RAB6A: variants seen among roughly 807,000 people sequenced by gnomAD.
RAB6A encodes the protein RAB6A, member RAS oncogene family, also known as ras-related protein Rab-6A.
RAB6A carries 8 observed loss-of-function variants against 32.3 expected under a neutral mutation model. The observed-to-expected ratio is 0.25, with a 90% CI of 0.15 to 0.45. RAB6A has a LOEUF of 0.45. RAB6A is among the 20% of genes least tolerant of loss of function. The pLI is 1.00. For missense variants in RAB6A, 104 were observed against 249.4 expected (o/e 0.42, Z 3.93); for synonymous variants, 73 against 82.1 (o/e 0.89, Z 0.60).
At chr11:73,711,357 A>G (rs1251267519) in intron 5 of RAB6A, among the ~76,000 whole-genome samples, 1 of 152,150 alleles carries the variant, frequency 6.6e-6, no homozygotes, top group East Asian at 1.9e-4. Context: ...ACTGTACCAT[A>G]TGTTACATAC....
intron 1 of RAB6A, among the ~76,000 whole-genome samples, chr11:73,757,090 T>TATACATAC (rs1372230797): frequency 9.4e-6 from 1 of 106,812 alleles, no homozygotes; most frequent in Non-Finnish European, 1.8e-5. Context: ...GTATCTTAAA[T>TATACATAC]ATACATACAT....
At chr11:73,691,910 T>G (rs1590829655) in intron 6 of RAB6A, among the ~76,000 whole-genome samples, 1 of 151,546 alleles carries the variant, frequency 6.6e-6, no homozygotes, top group African/African-American at 2.4e-5. Context: ...GAGGCGGAGG[T>G]TGCAGTGAGC....
chr11:73,693,156 C>CACA (rs1945602376), intron 6 of RAB6A, among the ~76,000 whole-genome samples: 1 of 151,962 alleles, frequency 6.6e-6, no homozygotes, highest in South Asian at 2.1e-4. Context: ...TGCGTGGTGG[C>CACA]ACACGCCTGT....
intron 6 of RAB6A, among the ~76,000 whole-genome samples, chr11:73,689,421 G>A (rs1945510197): frequency 6.6e-6 from 1 of 152,330 alleles, no homozygotes; most frequent in South Asian, 2.1e-4. Flanking sequence ...AGGCTGTAAT[G>A]CTGGCTTACC....
chr11:73,687,782 G>A (rs866684945), intron 6 of RAB6A, among the ~76,000 whole-genome samples: 6 of 152,104 alleles, frequency 3.9e-5, no homozygotes, highest in Non-Finnish European at 5.9e-5. Flanking sequence ...ACTTGAACCC[G>A]GGAGGCGGAG....
chr11:73,690,071 A>C (rs1945525845), intron 6 of RAB6A, among the ~76,000 whole-genome samples: 1 of 152,218 alleles, frequency 6.6e-6, no homozygotes, highest in Admixed American at 6.5e-5. Flanking sequence ...TCCATAATTT[A>C]ATACAGCATT....
chr11:73,733,140 C>A (rs1236350678), intron 1 of RAB6A, among the ~76,000 whole-genome samples: 2 of 152,124 alleles, frequency 1.3e-5, no homozygotes, highest in Non-Finnish European at 2.9e-5. Flanking sequence ...CATCTGGAAA[C>A]TTGTCTTGGT....
At chr11:73,739,175 G>C (rs372378131) in intron 1 of RAB6A, among the ~76,000 whole-genome samples, 1 of 145,104 alleles carries the variant, frequency 6.9e-6, no homozygotes, top group South Asian at 2.2e-4. Context: ...AACCTGGGAA[G>C]TGGAGGCTGC....
intron 1 of RAB6A, among the ~76,000 whole-genome samples, chr11:73,758,139 T>TCTA (rs35711409): frequency 0.52 from 78,366 of 151,742 alleles, 21,557 homozygotes; most frequent in African/African-American, 0.72. Flanking sequence ...TCTACAGACT[T>TCTA]CTAACGCATA....
At chr11:73,757,503 A>G (rs1228627100) in intron 1 of RAB6A, among the ~76,000 whole-genome samples, 1 of 152,042 alleles carries the variant, frequency 6.6e-6, no homozygotes, top group Non-Finnish European at 1.5e-5. Context: ...AGCCAAATAA[A>G]ACCTAATTTC....
At chr11:73,749,357 AC>A (rs896365898) in intron 1 of RAB6A, among the ~76,000 whole-genome samples, 2 of 152,258 alleles carry the variant, frequency 1.3e-5, no homozygotes, top group African/African-American at 4.8e-5. Context: ...TTGGGGACTC[AC>A]AGGGAAGTGG....
chr11:73,702,862 T>TA (rs961351987), intron 6 of RAB6A, among the ~76,000 whole-genome samples: 20 of 149,782 alleles, frequency 1.3e-4, no homozygotes, highest in African/African-American at 4.6e-4. Flanking sequence ...ATATTATTAT[T>TA]TTTTTTTTTC....
chr11:73,689,455 G>T (rs1406389245), intron 6 of RAB6A, among the ~76,000 whole-genome samples: 2 of 152,180 alleles, frequency 1.3e-5, no homozygotes, highest in African/African-American at 4.8e-5. Flanking sequence ...CTGCTGTGTG[G>T]GTTGGTTCCT....
At chr11:73,737,662 G>C (rs1338547952) in intron 1 of RAB6A, among the ~76,000 whole-genome samples, 1 of 152,054 alleles carries the variant, frequency 6.6e-6, no homozygotes, top group Non-Finnish European at 1.5e-5. Context: ...AATGAACCTT[G>C]AAAACACTAC....
intron 5 of RAB6A, among the ~76,000 whole-genome samples, chr11:73,714,575 T>C (rs1396002155): frequency 1.3e-5 from 2 of 151,154 alleles, no homozygotes; most frequent in Non-Finnish European, 2.9e-5. Context: ...GGCAGGAGAA[T>C]TGCTTGAGCC....
chr11:73,750,790 G>A (rs12283979), intron 1 of RAB6A, among the ~76,000 whole-genome samples: 1 of 152,100 alleles, frequency 6.6e-6, no homozygotes, highest in Non-Finnish European at 1.5e-5. Flanking sequence ...ATGAGTATGG[G>A]GGTAAATAAG....
intron 1 of RAB6A, among the ~76,000 whole-genome samples, chr11:73,739,500 C>T (rs1209765837): frequency 6.7e-6 from 1 of 149,028 alleles, no homozygotes; most frequent in Non-Finnish European, 1.5e-5. Flanking sequence ...TTTTTTGAAT[C>T]AGGGTCTTGT....
At chr11:73,700,770 G>A (rs1420539446) in intron 6 of RAB6A, among the ~76,000 whole-genome samples, 1 of 152,072 alleles carries the variant, frequency 6.6e-6, no homozygotes, top group African/African-American at 2.4e-5. Context: ...ATTTATGCTA[G>A]TTCTAGTACT....
At chr11:73,728,553 G>C (rs1946257244) in intron 2 of RAB6A, among the ~76,000 whole-genome samples, 1 of 149,828 alleles carries the variant, frequency 6.7e-6, no homozygotes, top group African/African-American at 2.4e-5. Flanking sequence ...TGAAAGGGTT[G>C]CTTGGGCCCA....
Sources: allele counts gnomAD v4.1 joint callset (sites outside exome capture counted in the v4.1 genomes callset), GRCh38; gene constraint gnomAD v4.1.1; transcripts MANE v1.5; gene names NCBI Gene and HGNC (gene_info 2026-07-23, HGNC 2026-07-21).